Variants in OSBPL8 observed in about 807,000 individuals in gnomAD.
OSBPL8 encodes oxysterol-binding protein-related protein 8.
A neutral mutation model predicts 125.5 loss-of-function variants in OSBPL8; 59 were observed. The observed-to-expected ratio is 0.47, with a 90% CI of 0.38 to 0.58. The LOEUF (loss-of-function observed/expected upper bound fraction) is 0.58, where lower values mean the gene tolerates loss of function less well. Among genes scored for constraint, OSBPL8 ranks in the 20% least tolerant of loss-of-function variants. The probability of loss-of-function intolerance (pLI) is 0.00; values close to 1 mark genes in which losing one functional copy is unlikely to be tolerated. For synonymous variants in OSBPL8, 330 were observed against 338.9 expected, an observed-to-expected ratio of 0.97 and a Z score of 0.29; for missense variants, 758 against 1,047.8, an observed-to-expected ratio of 0.72 and a Z score of 3.82.
At chr12:76,521,856 T>C (rs1336105429) in intron 1 of OSBPL8, among the ~76,000 whole-genome samples, 1 of 152,030 alleles carries the variant, frequency 6.6e-6, no homozygotes, top group Non-Finnish European at 1.5e-5. Flanking sequence ...AGACGAAGAG[T>C]TCTGGAAATG....
At chr12:76,462,543 T>C (rs1197865379) in intron 2 of OSBPL8, among the ~76,000 whole-genome samples, 2 of 152,268 alleles carry the variant, frequency 1.3e-5, no homozygotes, top group East Asian at 1.9e-4. Flanking sequence ...CCAAGGGACA[T>C]AGCAGTAAGC....
At chr12:76,536,238 G>C (rs1950494147) in intron 1 of OSBPL8, among the ~76,000 whole-genome samples, 1 of 152,052 alleles carries the variant, frequency 6.6e-6, no homozygotes, top group Non-Finnish European at 1.5e-5. Flanking sequence ...TGTAATCCTA[G>C]CGCTTTGGGA....
At chr12:76,428,182 C>A (rs1391631301) in intron 4 of OSBPL8, among the ~76,000 whole-genome samples, 1 of 151,978 alleles carries the variant, frequency 6.6e-6, no homozygotes, top group African/African-American at 2.4e-5. Context: ...CATATATGGT[C>A]TAGTGGCTCT....
rs571639788 is a variant in OSBPL8 at position 76,480,542 on chromosome 12, G to A, written c.42+6968C>T. 3.9e-5 allele frequency among the ~76,000 whole-genome samples: 6 copies of A among 152,298 alleles called. No homozygotes were observed. The South Asian group carries it at 1.2e-3, about 32-fold the overall frequency. ...TACAAACTGTTAGAGTTAGCAAGCA[G>A]CTGTTGGGAAGATGAAGTTATTTTA... On this transcript the variant is annotated intron_variant, in intron 2 of 23. Transcript: ENST00000261183.
chr12:76,455,470 T>C lies in OSBPL8; in HGVS notation c.79+4389A>G, dbSNP rs559410941. 3.3e-5 allele frequency among the ~76,000 whole-genome samples: 5 copies of C among 152,346 alleles called. No homozygotes were observed. In the East Asian group the frequency reaches 9.6e-4, roughly 29 times the overall value. The stretch of plus-strand genomic sequence containing the variant: ...GCATTCTGTCAGTAAAACATAGGTG[T>C]CCATGTCTTGAATAACTTTAAAACA... On this transcript the variant is annotated intron_variant, in intron 3 of 23. Coordinates refer to ENST00000261183, the MANE Select transcript of OSBPL8 (RefSeq NM_020841.5).
Position 76,410,633 on chromosome 12 carries a change from A to C in OSBPL8, c.219T>G (p.Gly73=). 1 of 1,596,290 alleles carries C rather than the reference A, an allele frequency of 6.3e-7. No individual in the cohort carries two copies. The highest frequency in any genetic ancestry group is 8.6e-7 in the Non-Finnish European group (1 of 1,165,202). Residue 73 remains glycine, a splice_region_variant and synonymous_variant, in exon 5 of 24, where the codon GGT becomes GGG. Coordinates refer to ENST00000261183, the MANE Select transcript of OSBPL8 (RefSeq NM_020841.5). ...SLSPASPHSQ[G]FERGKEDISQ... is the part of the protein sequence containing the mutation. ...AAATATCTTCCTTCCCTCTTTCAAA[A>C]CCTTAAAAAAATAGTCAGCATATCA...
At chr12:76,510,795 C>A (rs892482751) in intron 1 of OSBPL8, among the ~76,000 whole-genome samples, 1 of 151,606 alleles carries the variant, frequency 6.6e-6, no homozygotes, top group Non-Finnish European at 1.5e-5. Flanking sequence ...GCAGGAGAAT[C>A]GCTTGACCCC....
At chr12:76,486,121 T>C in intron 2 of OSBPL8, 1 of 385,414 alleles carries the variant, frequency 2.6e-6, no homozygotes. Flanking sequence ...TACTAACAAT[T>C]TATTTTAAAG....
At chr12:76,516,594 G>A (rs1330018224) in intron 1 of OSBPL8, among the ~76,000 whole-genome samples, 1 of 152,114 alleles carries the variant, frequency 6.6e-6, no homozygotes, top group Non-Finnish European at 1.5e-5. Context: ...AGGACACAAA[G>A]AGCAGTAATA....
At chr12:76,488,068 A>G (rs939216880) in intron 1 of OSBPL8, among the ~76,000 whole-genome samples, 7 of 152,220 alleles carry the variant, frequency 4.6e-5, no homozygotes, top group Non-Finnish European at 7.3e-5. Context: ...TAATCCAGCA[A>G]TTTCAAGACT....
intron 1 of OSBPL8, among the ~76,000 whole-genome samples, chr12:76,559,106 G>A (rs1341671786): frequency 6.6e-6 from 1 of 152,160 alleles, no homozygotes; most frequent in African/African-American, 2.4e-5. Flanking sequence ...AACTTCAGGA[G>A]GGACAGACAC....
intron 4 of OSBPL8, among the ~76,000 whole-genome samples, chr12:76,416,234 G>A (rs1868647686): frequency 6.6e-6 from 1 of 151,706 alleles, no homozygotes; most frequent in Admixed American, 6.6e-5. Context: ...TGAACTTTTT[G>A]TTATAGATTT....
At chr12:76,427,373 T>C (rs1291448966) in intron 4 of OSBPL8, among the ~76,000 whole-genome samples, 1 of 151,984 alleles carries the variant, frequency 6.6e-6, no homozygotes, top group Non-Finnish European at 1.5e-5. Flanking sequence ...TTTTGATCAA[T>C]TTGATCATTT....
At chr12:76,513,114 T>G (rs542421021) in intron 1 of OSBPL8, among the ~76,000 whole-genome samples, 38 of 152,364 alleles carry the variant, frequency 2.5e-4, no homozygotes, top group African/African-American at 9.1e-4. Context: ...TTTTGAGGAT[T>G]TTCTTAGTCT....
chr12:76,394,807 C>G, intron 8 of OSBPL8, 78 bp from the exon 9 acceptor site: 1 of 923,912 alleles, frequency 1.1e-6, no homozygotes, highest in South Asian at 1.9e-5. Context: ...CCAATATTAT[C>G]TGTAATAATC....
intron 4 of OSBPL8, among the ~76,000 whole-genome samples, chr12:76,446,319 T>TA (rs766310728): frequency 3.9e-5 from 6 of 152,166 alleles, no homozygotes; most frequent in African/African-American, 7.2e-5. Context: ...GACCAAAAGC[T>TA]AACAGATAAT....
rs753201310 is a variant in OSBPL8 at position 76,399,826 on chromosome 12, T to C, written c.468+47A>G. On this transcript the variant is annotated intron_variant, in intron 7 of 23. Coordinates refer to ENST00000261183, the MANE Select transcript of OSBPL8 (RefSeq NM_020841.5). ...TATACTCCAGGCTTTTCCATTCCAG[T>C]AGGTAAACATCCAGCAATCTGAATT... 1.1e-5 allele frequency: 16 copies of C among 1,464,772 alleles called. No individual in the cohort carries two copies. The Admixed American group carries it at 2.4e-4, about 22-fold the overall frequency. 90.7% of individuals were successfully genotyped at this position (1,464,772 alleles called of 1,614,324 possible).
intron 12 of OSBPL8, among the ~76,000 whole-genome samples, chr12:76,387,651 T>C (rs1424127028): frequency 6.6e-6 from 1 of 152,162 alleles, no homozygotes. Flanking sequence ...GGCATTTACG[T>C]TTCACAAGCA....
chr12:76,499,370 C>G (rs76761089), intron 1 of OSBPL8, among the ~76,000 whole-genome samples: 49 of 149,532 alleles, frequency 3.3e-4, no homozygotes, highest in Middle Eastern at 3.4e-3. Context: ...TCTATCTAAT[C>G]TATCTAATCT....
Sources: allele counts gnomAD v4.1 joint callset (sites outside exome capture counted in the v4.1 genomes callset), GRCh38; gene constraint gnomAD v4.1.1; transcripts MANE v1.5; gene names NCBI Gene and HGNC (gene_info 2026-07-23, HGNC 2026-07-21).